Variants in FAM184B observed in about 807,000 individuals in gnomAD.
FAM184B encodes protein FAM184B.
A neutral mutation model predicts 135.9 loss-of-function variants in FAM184B; 111 were observed. The observed-to-expected ratio is 0.82, with a 90% CI of 0.70 to 0.96. FAM184B has a LOEUF of 0.96. Among genes scored for constraint, FAM184B ranks in the 40% least tolerant of loss-of-function variants. The pLI is 0.00. For missense variants in FAM184B, 1,375 were observed against 1,323.9 expected (o/e 1.04, Z -0.60); for synonymous variants, 552 against 524.8 (o/e 1.05, Z -0.71).
At chr4:17,690,143 G>A (rs563690427) in intron 6 of FAM184B, among the ~76,000 whole-genome samples, 81 of 150,724 alleles carry the variant, frequency 5.4e-4, no homozygotes, top group Non-Finnish European at 1.1e-3. Context: ...ACGAGACTCC[G>A]TCTCAAAAAA....
At chr4:17,729,466 A>AC (rs1205459867) in intron 1 of FAM184B, among the ~76,000 whole-genome samples, 1 of 152,062 alleles carries the variant, frequency 6.6e-6, no homozygotes, top group Non-Finnish European at 1.5e-5. Flanking sequence ...CGGGTCCTTG[A>AC]CCCCCGAGCA....
In FAM184B at chr4:17,633,824, T is replaced by G. The variant is rs1322406441; in HGVS notation, c.2954A>C (p.Lys985Thr). 3 of 1,551,600 alleles carry G rather than the reference T, an allele frequency of 1.9e-6. No homozygotes were observed. The East Asian group carries it at 7.3e-5, about 38-fold the overall frequency. The change falls in exon 17 of 18, where the codon AAG (lysine) becomes ACG (threonine). Residue 985 changes from lysine (K) to threonine (T), a missense_variant. Physicochemically the swap from Lys to Thr is moderately conservative, Grantham distance 78. Transcript: ENST00000265018. ...VSVPNLASYA[K>T]NFLSGDLSSR... ...ACTCAGATCGCCACTCAGAAAGTTC[T>G]TTGCATAGGAGGCGAGGTTCGGCAC...
intron 12 of FAM184B, among the ~76,000 whole-genome samples, chr4:17,646,208 A>T (rs2108933412): frequency 1.3e-5 from 2 of 152,176 alleles, no homozygotes; most frequent in East Asian, 3.9e-4. Flanking sequence ...ATACCATTTG[A>T]CCCAGCCATC....
At chr4:17,711,511 G>T (rs538528816) in intron 1 of FAM184B, among the ~76,000 whole-genome samples, 1 of 151,478 alleles carries the variant, frequency 6.6e-6, no homozygotes. Context: ...AACAAAAAAT[G>T]AAAAAGCTGG....
chr4:17,660,207 G>T, intron 8 of FAM184B, 120 bp from the exon 9 acceptor site: 1 of 1,174,942 alleles, frequency 8.5e-7, no homozygotes, highest in South Asian at 1.6e-5. Flanking sequence ...AGTTAGTGGG[G>T]ATTAGAAACA....
At chr4:17,747,793 C>T (rs957683231) in intron 1 of FAM184B, among the ~76,000 whole-genome samples, 4 of 151,484 alleles carry the variant, frequency 2.6e-5, no homozygotes, top group Admixed American at 6.6e-5. Flanking sequence ...AGGTGGCGGG[C>T]GCCTGTAGTC....
At chr4:17,767,090 G>T (rs917263484) in intron 1 of FAM184B, among the ~76,000 whole-genome samples, 14 of 152,268 alleles carry the variant, frequency 9.2e-5, no homozygotes, top group Non-Finnish European at 1.3e-4. Flanking sequence ...AGCGCCAGCC[G>T]GCCCCTCCGA....
At chr4:17,675,511 T>A (rs1169711674) in intron 7 of FAM184B, among the ~76,000 whole-genome samples, 7 of 152,218 alleles carry the variant, frequency 4.6e-5, no homozygotes, top group Non-Finnish European at 8.8e-5. Flanking sequence ...GGCTTTAACT[T>A]AAAGTCACTA....
At chr4:17,687,330 C>A (rs1411523418) in intron 7 of FAM184B, among the ~76,000 whole-genome samples, 8 of 152,100 alleles carry the variant, frequency 5.3e-5, no homozygotes, top group Admixed American at 6.6e-5. Flanking sequence ...AATTGAAGGC[C>A]GTGAGTTTTT....
At chr4:17,713,439 C>CTT in intron 1 of FAM184B, among the ~76,000 whole-genome samples, 1 of 152,182 alleles carries the variant, frequency 6.6e-6, no homozygotes, top group Non-Finnish European at 1.5e-5. Flanking sequence ...TGTTAATTTC[C>CTT]GTGACCTTCT....
chr4:17,757,052 C>T (rs747843265), intron 1 of FAM184B, among the ~76,000 whole-genome samples: 14 of 152,202 alleles, frequency 9.2e-5, no homozygotes, highest in Non-Finnish European at 1.9e-4. Context: ...CAGTATCTTC[C>T]TTCTGATAGA....
At chr4:17,779,727 C>A (rs917788973) in intron 1 of FAM184B, among the ~76,000 whole-genome samples, 1 of 152,222 alleles carries the variant, frequency 6.6e-6, no homozygotes, top group Non-Finnish European at 1.5e-5. Context: ...TCCTCCCATA[C>A]TGATTTGTCC....
At chr4:17,641,579 C>T (rs1013848589) in intron 13 of FAM184B, among the ~76,000 whole-genome samples, 3 of 130,616 alleles carry the variant, frequency 2.3e-5, no homozygotes, top group Non-Finnish European at 4.7e-5. Flanking sequence ...CCCGAGTTCA[C>T]GCGATTTTCC....
intron 11 of FAM184B, among the ~76,000 whole-genome samples, chr4:17,652,146 T>TTTTTTTGAG (rs762642185): frequency 7.6e-5 from 10 of 131,934 alleles, no homozygotes; most frequent in African/African-American, 1.1e-4. Context: ...TTTTTTTTTT[T>TTTTTTTGAG]TTGAGTCTTG....
chr4:17,713,817 G>T (rs1210811410), intron 1 of FAM184B, among the ~76,000 whole-genome samples: 1 of 152,142 alleles, frequency 6.6e-6, no homozygotes, highest in East Asian at 1.9e-4. Context: ...CTGGGCACTG[G>T]GGTTACCTGC....
At chr4:17,739,017 CT>C (rs756545781) in intron 1 of FAM184B, among the ~76,000 whole-genome samples, 9 of 152,166 alleles carry the variant, frequency 5.9e-5, no homozygotes, top group Non-Finnish European at 1.2e-4. Context: ...CCAAATAAAC[CT>C]TTTTTCTTTA....
chr4:17,645,246 CA>C (rs1300619528), intron 12 of FAM184B, among the ~76,000 whole-genome samples: 1 of 152,010 alleles, frequency 6.6e-6, no homozygotes, highest in African/African-American at 2.4e-5. Context: ...CATATGGATC[CA>C]AAAAAGAGCC....
rs113073377 is a variant in FAM184B, at chr4:17,738,631, TA to T, written c.142-28988del. On this transcript the variant is annotated intron_variant, in intron 1 of 17. Coordinates refer to ENST00000265018, the MANE Select transcript of FAM184B (RefSeq NM_015688.2). ...CCATGAACCCAAATCTGTCTGACTG[TA>T]AAAAAAAATCTTAGTTCTTTCTACT... 8.8e-3 allele frequency among the ~76,000 whole-genome samples: 1,339 copies of T among 151,552 alleles called. 19 individuals carry two copies. The highest frequency in any genetic ancestry group is 0.031 in the African/African-American group (1,282 of 41,322).
chr4:17,694,112 C>CCG (rs1716799863), intron 5 of FAM184B, among the ~76,000 whole-genome samples: 1 of 152,166 alleles, frequency 6.6e-6, no homozygotes, highest in African/African-American at 2.4e-5. Context: ...CCAGCTGTGT[C>CCG]ATCTCGAGCA....
Sources: allele counts gnomAD v4.1 joint callset (sites outside exome capture counted in the v4.1 genomes callset), GRCh38; gene constraint gnomAD v4.1.1; transcripts MANE v1.5; gene names NCBI Gene and HGNC (gene_info 2026-07-23, HGNC 2026-07-21).